ROBO2: variants seen among roughly 807,000 people sequenced by gnomAD.
ROBO2 encodes roundabout guidance receptor 2.
ROBO2 carries 53 observed loss-of-function variants against 160.8 expected under a neutral mutation model. The observed-to-expected ratio is 0.33, with a 90% CI of 0.26 to 0.41. The LOEUF (loss-of-function observed/expected upper bound fraction) is 0.41, where lower values mean the gene tolerates loss of function less well. ROBO2 is among the 10% of genes least tolerant of loss of function. The pLI, the probability that ROBO2 is intolerant of heterozygous loss-of-function variation, is 1.00. For synonymous variants in ROBO2, 664 were observed against 611.7 expected (o/e 1.09, Z -1.26); for missense variants, 1,577 against 1,722.4 (o/e 0.92, Z 1.49).
chr3:77,114,436 T>C (rs980601619), intron 2 of ROBO2, among the ~76,000 whole-genome samples: 1 of 152,218 alleles, frequency 6.6e-6, no homozygotes, highest in African/African-American at 2.4e-5. Flanking sequence ...TATTTTATTT[T>C]TATAGCATTT....
chr3:76,549,397 T>A (rs2083290289), intron 2 of ROBO2, among the ~76,000 whole-genome samples: 1 of 152,172 alleles, frequency 6.6e-6, no homozygotes, highest in Non-Finnish European at 1.5e-5. Flanking sequence ...ATAAAATTAT[T>A]AGGAAAGTGT....
intron 2 of ROBO2, among the ~76,000 whole-genome samples, chr3:76,938,886 G>T (rs368029516): frequency 6.7e-6 from 1 of 148,702 alleles, no homozygotes; most frequent in Non-Finnish European, 1.5e-5. Flanking sequence ...CAGGAGAATC[G>T]CTTAAACCCA....
At chr3:76,219,259 G>T (rs1575943989) in intron 2 of ROBO2, among the ~76,000 whole-genome samples, 1 of 152,242 alleles carries the variant, frequency 6.6e-6, no homozygotes, top group African/African-American at 2.4e-5. Flanking sequence ...CAGGACATAG[G>T]CATGGGCAAG....
intron 23 of ROBO2, chr3:77,634,084 A>G (rs2095221126): frequency 6.6e-6 from 1 of 152,242 alleles, no homozygotes; most frequent in South Asian, 2.1e-4. Context: ...TATTGAAATC[A>G]TAAGTTGTTG....
intron 2 of ROBO2, among the ~76,000 whole-genome samples, chr3:76,018,585 T>C (rs1350549385): frequency 6.6e-6 from 1 of 151,930 alleles, no homozygotes; most frequent in Non-Finnish European, 1.5e-5. Flanking sequence ...TGCTTTCCTA[T>C]TTCCAAATCT....
At chr3:76,031,044 G>A (rs953191055) in intron 2 of ROBO2, among the ~76,000 whole-genome samples, 5 of 152,082 alleles carry the variant, frequency 3.3e-5, no homozygotes, top group African/African-American at 1.2e-4. Flanking sequence ...TTATTTCGTT[G>A]AGCAGTGGTT....
At chr3:76,308,777 G>C (rs1214571178) in intron 2 of ROBO2, among the ~76,000 whole-genome samples, 2 of 152,156 alleles carry the variant, frequency 1.3e-5, no homozygotes, top group African/African-American at 4.8e-5. Context: ...CAGTGATTTT[G>C]TTCTTCCAAT....
chr3:76,076,772 C>T (rs2068657436), intron 2 of ROBO2, among the ~76,000 whole-genome samples: 1 of 152,154 alleles, frequency 6.6e-6, no homozygotes, highest in African/African-American at 2.4e-5. Flanking sequence ...AGCATATAAC[C>T]TGACATTTCT....
chr3:76,326,603 TTTTA>T (rs199582640), intron 2 of ROBO2, among the ~76,000 whole-genome samples: 6,796 of 150,574 alleles, frequency 0.045, 419 homozygotes, highest in African/African-American at 0.14. Context: ...AATTATTATC[TTTTA>T]TTTATTTATT....
At chr3:76,840,674 T>A (rs1050761782) in intron 2 of ROBO2, among the ~76,000 whole-genome samples, 10 of 127,062 alleles carry the variant, frequency 7.9e-5, no homozygotes, top group South Asian at 2.5e-4. Flanking sequence ...TATATATATA[T>A]AAGATGAAGT....
intron 2 of ROBO2, among the ~76,000 whole-genome samples, chr3:76,948,579 ATTTTTT>A (rs757654181): frequency 7.5e-5 from 7 of 93,664 alleles, no homozygotes; most frequent in East Asian, 3.3e-4. Flanking sequence ...TTATAATCTA[ATTTTTT>A]TTTTTTTTTT....
intron 23 of ROBO2, chr3:77,632,654 C>G (rs537677618): frequency 1.3e-6 from 2 of 1,533,612 alleles, no homozygotes; most frequent in Non-Finnish European, 1.7e-6. Context: ...CTTACAAGAA[C>G]AGGTTGGTAG....
intron 2 of ROBO2, among the ~76,000 whole-genome samples, chr3:76,605,179 A>G (rs1347526656): frequency 1.3e-5 from 2 of 152,176 alleles, no homozygotes; most frequent in Non-Finnish European, 2.9e-5. Context: ...ATTAGTAGAG[A>G]TAATCTTTCT....
chr3:76,716,474 C>T (rs961033486), intron 2 of ROBO2, among the ~76,000 whole-genome samples: 3 of 152,038 alleles, frequency 2.0e-5, no homozygotes, highest in African/African-American at 2.4e-5. Context: ...TTAGATATTC[C>T]ATGCTGAGGT....
At chr3:77,353,097 A>G (rs1287182512) in intron 2 of ROBO2, among the ~76,000 whole-genome samples, 3 of 21,512 alleles carry the variant, frequency 1.4e-4, no homozygotes, top group Non-Finnish European at 3.2e-4. Flanking sequence ...AAACTTTTTC[A>G]TAGTTTAAAA....
intron 2 of ROBO2, among the ~76,000 whole-genome samples, chr3:76,116,365 C>T (rs2070470909): frequency 1.3e-5 from 2 of 152,174 alleles, no homozygotes; most frequent in African/African-American, 4.8e-5. Flanking sequence ...AATCCTCAGT[C>T]AGACGTAGAA....
chr3:76,295,395 G>C (rs1709016557), intron 2 of ROBO2, among the ~76,000 whole-genome samples: 1 of 151,898 alleles, frequency 6.6e-6, no homozygotes, highest in Admixed American at 6.6e-5. Flanking sequence ...TGTCATCACT[G>C]TTACGTAATC....
chr3:77,233,979 T>A (rs2087584861), intron 2 of ROBO2, among the ~76,000 whole-genome samples: 1 of 152,182 alleles, frequency 6.6e-6, no homozygotes, highest in South Asian at 2.1e-4. Context: ...ACCTTGGGAT[T>A]TATAAATATT....
At chr3:77,361,218 G>A (rs1261551193) in intron 2 of ROBO2, among the ~76,000 whole-genome samples, 1 of 152,168 alleles carries the variant, frequency 6.6e-6, no homozygotes, top group Non-Finnish European at 1.5e-5. Context: ...TTTTGTTCCA[G>A]TTAAATTTGA....
Sources: allele counts gnomAD v4.1 joint callset (sites outside exome capture counted in the v4.1 genomes callset), GRCh38; gene constraint gnomAD v4.1.1; transcripts MANE v1.5; gene names NCBI Gene and HGNC (gene_info 2026-07-23, HGNC 2026-07-21).